PGM3: variants seen among roughly 807,000 people sequenced by gnomAD.
The protein encoded by PGM3 is phosphoglucomutase 3.
PGM3 carries 40 observed loss-of-function variants against 66.2 expected under a neutral mutation model. The observed-to-expected ratio is 0.60, with a 90% CI of 0.47 to 0.79. The LOEUF (loss-of-function observed/expected upper bound fraction) is 0.79. Among genes scored for constraint, PGM3 ranks in the 30% least tolerant of loss-of-function variants. The probability of loss-of-function intolerance (pLI) is 0.00; values close to 1 mark genes in which losing one functional copy is unlikely to be tolerated. For synonymous variants in PGM3, 191 were observed against 224.2 expected (o/e 0.85, Z 1.32); for missense variants, 537 against 643.4 (o/e 0.83, Z 1.79).
At chr6:83,159,889 C>T, downstream of PGM3, 1 of 1,614,100 alleles carries the variant, frequency 6.2e-7, no homozygotes, top group African/African-American at 1.3e-5. Flanking sequence ...GGTTAAACCT[C>T]TATCTCTCTG....
At chr6:83,156,703 TG>T (rs1782876405), downstream of PGM3, among the ~76,000 whole-genome samples, 1 of 152,214 alleles carries the variant, frequency 6.6e-6, no homozygotes, top group Non-Finnish European at 1.5e-5. Flanking sequence ...GGAGCCAACA[TG>T]GGAACATGAT....
chr6:83,178,849 G>C, intron 7 of PGM3, 93 bp from the exon 8 acceptor site: 1 of 791,080 alleles, frequency 1.3e-6, no homozygotes, highest in Non-Finnish European at 2.2e-6. Context: ...AAAATTATCA[G>C]CCAGTTCAGT....
the PGM3 span, chr6:83,153,409 A>G: frequency 1.5e-6 from 1 of 647,112 alleles, no homozygotes; most frequent in Non-Finnish European, 2.5e-6. Flanking sequence ...AGATTTTTCT[A>G]ATTTTAAGTA....
At chr6:83,178,038 C>G (rs1448795012) in intron 8 of PGM3, among the ~76,000 whole-genome samples, 1 of 152,172 alleles carries the variant, frequency 6.6e-6, no homozygotes, top group African/African-American at 2.4e-5. Context: ...GTCCCTGTAC[C>G]TATCACAACA....
rs766336105 is a variant in PGM3 at position 83,188,760 on chromosome 6, T to C, written c.243A>G (p.Glu81=). ...NGVKLVDPLG[E]MLAPSWEEHA... ...GTTCCTCCCAGGATGGTGCCAACAT[T>C]TCACCCAAAGGATCAACCAATTTTA... The change falls in exon 3 of 13, where the codon GAA becomes GAG. Residue 81 remains glutamate (E), a synonymous_variant. Transcript: ENST00000513973. The C allele has an allele frequency of 5.0e-6, 8 of 1,613,986 alleles. No individual in the cohort carries two copies. The African/African-American group carries it at 1.1e-4, about 22-fold the overall frequency.
At chr6:83,176,203 A>G in intron 8 of PGM3, 143 bp from the exon 9 acceptor site, 1 of 591,112 alleles carries the variant, frequency 1.7e-6, no homozygotes. Flanking sequence ...TAAAATACAA[A>G]ATGGTACGTA....
intron 5 of PGM3, among the ~76,000 whole-genome samples, chr6:83,182,223 C>A (rs143469584): frequency 6.6e-6 from 1 of 152,234 alleles, no homozygotes; most frequent in East Asian, 1.9e-4. Context: ...AGTAATATTA[C>A]AAGGGAGCCA....
At chr6:83,193,718 CT>C (rs1013104809), upstream of PGM3, 3 of 153,188 alleles carry the variant, frequency 2.0e-5, no homozygotes, top group Admixed American at 2.0e-4. Flanking sequence ...TCTCCCAAAC[CT>C]TTGAATCTGG....
At chr6:83,159,543 G>A (rs1783728878), downstream of PGM3, among the ~76,000 whole-genome samples, 1 of 151,856 alleles carries the variant, frequency 6.6e-6, no homozygotes, top group Non-Finnish European at 1.5e-5. Context: ...CACCCGCCTT[G>A]GCATCCCAAA....
intron 4 of PGM3, among the ~76,000 whole-genome samples, chr6:83,186,022 T>G (rs1043987939): frequency 6.6e-6 from 1 of 152,100 alleles, no homozygotes; most frequent in South Asian, 2.1e-4. Flanking sequence ...AAGCATAAAT[T>G]ATTAAAATTA....
the PGM3 span, chr6:83,155,821 G>A: frequency 1.9e-6 from 2 of 1,047,104 alleles, no homozygotes; most frequent in South Asian, 1.8e-5. Context: ...CCCCAGAGAG[G>A]GGCATCAAGT....
At position 83,174,450 on chromosome 6, in the gene PGM3, T is replaced by C. The variant is rs1787600940; in HGVS notation, c.1166A>G (p.Gln389Arg). The C allele has an allele frequency of 1.9e-6, 3 of 1,604,906 alleles. No homozygotes were observed. The highest frequency in any genetic ancestry group is 2.6e-6 in the Non-Finnish European group (3 of 1,174,456). ...CTTATCTTCCAGTTGTTCTGCTGAT[T>C]GTTTTATCTTCATTTCAACAGCTGT... is the stretch of plus-strand genomic sequence containing the variant. ...FSTAVEMKIKQSAEQLEDKKR... is the reference protein window; with the variant it reads ...FSTAVEMKIKRSAEQLEDKKR... The change falls in exon 10 of 13, where the codon CAA becomes CGA. Residue 389 changes from glutamine (Q) to arginine (R), a missense_variant. Coordinates refer to ENST00000513973, the MANE Select transcript of PGM3 (RefSeq NM_015599.3).
the PGM3 span, chr6:83,153,518 C>A: frequency 6.3e-7 from 1 of 1,595,778 alleles, no homozygotes; most frequent in South Asian, 1.1e-5. Flanking sequence ...TAGGTTTTGG[C>A]TCATCTTTTG....
At chr6:83,181,356 A>G (rs1274632040) in intron 6 of PGM3, among the ~76,000 whole-genome samples, 1 of 152,200 alleles carries the variant, frequency 6.6e-6, no homozygotes, top group East Asian at 1.9e-4. Context: ...CTTGATAGAA[A>G]TGCAAATTTC....
In PGM3 at chr6:83,181,877, T is replaced by C; in HGVS notation, c.646A>G (p.Ile216Val). The change falls in exon 6 of 13, where the codon ATA (isoleucine) becomes GTA (valine). Residue 216 changes from isoleucine to valine, a missense_variant. Transcript: ENST00000513973. Reference sequence around the variant, plus strand: ...ATTTCCCTTAGCTTCAGGGCCCCTATGCCATTTGCACAGTCAACCTTAAGT... The same window carrying C: ...ATTTCCCTTAGCTTCAGGGCCCCTACGCCATTTGCACAGTCAACCTTAAGT... ...RSLKVDCANGIGALKLREMEH... is the reference protein window; with the variant it reads ...RSLKVDCANGVGALKLREMEH... The C allele has an allele frequency of 1.9e-6, 3 of 1,613,974 alleles. No individual in the cohort carries two copies. The highest frequency in any genetic ancestry group is 1.6e-4 in the Middle Eastern group (1 of 6,062).
At chr6:83,174,513 T>C (rs1047628230) in intron 9 of PGM3, 26 bp from the exon 10 acceptor site, 1 of 1,266,638 alleles carries the variant, frequency 7.9e-7, no homozygotes, top group Non-Finnish European at 1.1e-6. Flanking sequence ...ATAAAATCAG[T>C]CTCAAAACAC....
chr6:83,162,880 C>T (rs753383297), downstream of PGM3: 10 of 1,613,062 alleles, frequency 6.2e-6, no homozygotes, highest in Admixed American at 3.3e-5. Flanking sequence ...TTAAACCTTA[C>T]GTGGTACGAC....
At chr6:83,177,178 G>A (rs1474982180) in intron 8 of PGM3, among the ~76,000 whole-genome samples, 1 of 152,034 alleles carries the variant, frequency 6.6e-6, no homozygotes, top group Non-Finnish European at 1.5e-5. Flanking sequence ...TCCAAATCCT[G>A]CAGGAATCTG....
chr6:83,169,260 C>T lies in PGM3; in HGVS notation c.1603G>A (p.Gly535Arg). 1 of 1,614,036 alleles carries T rather than the reference C, an allele frequency of 6.2e-7. No individual in the cohort carries two copies. Among genetic ancestry groups the T allele is most frequent in the Non-Finnish European group, 8.5e-7 (1 of 1,179,928 alleles). ...CAGAAACCTGGTTGGGGCCTTTCTC[C>T]AATTCCTCCAGCCAGCTGAAATACT... is the stretch of plus-strand genomic sequence containing the variant. ...LAVFQLAGGIGERPQPGF is the reference protein window; with the variant it reads ...LAVFQLAGGIRERPQPGF Residue 535 changes from glycine (G) to arginine (R), a missense_variant, in exon 13 of 13, where the codon GGA becomes AGA. Gly to Arg is a moderately radical substitution (Grantham distance 125). Coordinates refer to ENST00000513973, the MANE Select transcript of PGM3 (RefSeq NM_015599.3).
Sources: allele counts gnomAD v4.1 joint callset (sites outside exome capture counted in the v4.1 genomes callset), GRCh38; gene constraint gnomAD v4.1.1; transcripts MANE v1.5; gene names NCBI Gene and HGNC (gene_info 2026-07-23, HGNC 2026-07-21).